The following UBA6 variants were observed in gnomAD, a reference collection of about 807,000 sequenced individuals.
UBA6 encodes the protein ubiquitin-like modifier-activating enzyme 6.
UBA6 carries 87 observed loss-of-function variants against 148.3 expected under a neutral mutation model. The ratio of observed to expected loss-of-function variants is 0.59; its 90% CI spans 0.49 to 0.70. UBA6 has a LOEUF of 0.70. Among genes scored for constraint, UBA6 ranks in the 30% least tolerant of loss-of-function variants. The pLI is 0.00. For missense variants in UBA6, 1,186 were observed against 1,241.2 expected (o/e 0.96, Z 0.67); for synonymous variants, 376 against 401.0 (o/e 0.94, Z 0.75).
Position 67,646,786 on chromosome 4 carries a change from A to T in UBA6, c.1254T>A (p.Tyr418Ter). 1 of 1,599,482 alleles carries T rather than the reference A, an allele frequency of 6.3e-7. No homozygotes were observed. The highest frequency in any genetic ancestry group is 1.1e-5 in the South Asian group (1 of 88,554). Residue 418 changes from tyrosine to a stop codon, truncating the protein, a stop_gained, in exon 15 of 33, where the codon TAT becomes TAA. Transcript: ENST00000322244. LOFTEE classifies it high-confidence loss of function. ...ATTCAACAATATCTGCTGCTTCAAG[A>T]TATAACTTAAAGTAGAAGATTAAAA... The part of the protein sequence containing the change: ...GKFSPLCQWL[Y>*]LEAADIVESL...
intron 3 of UBA6, 82 bp from the exon 4 acceptor site, chr4:67,681,673 T>C: frequency 1.1e-6 from 1 of 922,060 alleles, no homozygotes; most frequent in Non-Finnish European, 1.6e-6. Flanking sequence ...GTCACATATC[T>C]GACTGCATAC....
At position 67,631,709 on chromosome 4, in the gene UBA6, A is replaced by T. The variant is rs1477758538; in HGVS notation, c.2257T>A (p.Leu753Met). 1 of 1,603,244 alleles carries T rather than the reference A, an allele frequency of 6.2e-7. No individual in the cohort carries two copies. The highest frequency in any genetic ancestry group is 8.5e-7 in the Non-Finnish European group (1 of 1,173,790). ...SPIKFDLNEP[L>M]HLSFLQNAAK... ...ATAAAACTAAATATAAATACTTACA[A>T]AGGCTCATTTAAATCAAATTTTATT... Residue 753 changes from leucine to methionine, a missense_variant and splice_region_variant, in exon 25 of 33, where the codon TTG (leucine) becomes ATG (methionine). Leu to Met is a conservative substitution (Grantham distance 15, BLOSUM62 2). Coordinates refer to ENST00000322244, the MANE Select transcript of UBA6 (RefSeq NM_018227.6).
chr4:67,624,584 G>C (rs1560476765), intron 29 of UBA6, among the ~76,000 whole-genome samples: 1 of 151,934 alleles, frequency 6.6e-6, no homozygotes, highest in Non-Finnish European at 1.5e-5. Context: ...TAACTACATA[G>C]CTTCATAGAT....
At chr4:67,630,631 G>T in intron 25 of UBA6, 96 bp from the exon 26 acceptor site, 1 of 722,762 alleles carries the variant, frequency 1.4e-6, no homozygotes, top group Non-Finnish European at 2.1e-6. Flanking sequence ...GTAGTTTGAA[G>T]AAATATAACC....
At position 67,633,457 on chromosome 4, in the gene UBA6, T is replaced by A; in HGVS notation, c.2030A>T (p.His677Leu). 2 of 1,601,048 alleles carry A rather than the reference T, an allele frequency of 1.2e-6. No individual in the cohort carries two copies. Among genetic ancestry groups the A allele is most frequent in the Non-Finnish European group, 1.7e-6 (2 of 1,176,828 alleles). The change falls in exon 23 of 33, where the codon CAC becomes CTC. Residue 677 changes from histidine to leucine, a missense_variant. Coordinates refer to ENST00000322244, the MANE Select transcript of UBA6 (RefSeq NM_018227.6). ...EEVLQKIQSG[H>L]SLEGCFQVIK... ...AACTTGAAAACAGCCTTCTAAACTG[T>A]GTCCACTCTGTATCTTCTAGAATGG...
rs968546711 is a variant in UBA6 at position 67,663,904 on chromosome 4, A to G, written c.941T>C (p.Val314Ala). 1 of 1,613,628 alleles carries G rather than the reference A, an allele frequency of 6.2e-7. No homozygotes were observed. The highest frequency in any genetic ancestry group is 2.2e-5 in the East Asian group (1 of 44,804). Residue 314 changes from valine (V) to alanine (A), a missense_variant, in exon 11 of 33, where the codon GTG (valine) becomes GCG (alanine). Physicochemically the swap from Val to Ala is moderately conservative, Grantham distance 64 (BLOSUM62 0). Coordinates refer to ENST00000322244, the MANE Select transcript of UBA6 (RefSeq NM_018227.6). ...RQLKHPKCLI[V>A]DFSNPEAPLE... ...ATTTACCTCAGGGTTGCTAAAATCC[A>G]CAATAAGGCACTTTGGATGTTTTAA...
Position 67,682,149 on chromosome 4 carries a change from T to C in UBA6, c.199A>G (p.Ser67Gly). Residue 67 changes from serine (S) to glycine (G), a missense_variant, in exon 3 of 33, where the codon AGT (serine) becomes GGT (glycine). Transcript: ENST00000322244. ...QKMAKSHVFL[S>G]GMGGLGLEIA... ...TCCAAACCAAGACCACCCATCCCAC[T>C]TAAGAAAACATGGGACTTGGCCATC... 1 of 1,613,874 alleles carries C rather than the reference T, an allele frequency of 6.2e-7. No individual in the cohort carries two copies. Among genetic ancestry groups the C allele is most frequent in the Non-Finnish European group, 8.5e-7 (1 of 1,179,826 alleles).
At chr4:67,696,498 TAC>T (rs1730841314) in intron 2 of UBA6, 145 bp downstream of exon 2, 1 of 555,752 alleles carries the variant, frequency 1.8e-6, no homozygotes, top group East Asian at 2.9e-5. Flanking sequence ...CACATATATA[TAC>T]ACACATACAT....
At chr4:67,646,228 GT>G (rs1428123633) in intron 15 of UBA6, among the ~76,000 whole-genome samples, 1 of 152,098 alleles carries the variant, frequency 6.6e-6, no homozygotes, top group African/African-American at 2.4e-5. Context: ...AATGACTTAA[GT>G]GAAGGTGACT....
rs1007028169 is a variant in UBA6 at position 67,633,439 on chromosome 4, A to C, written c.2048T>G (p.Phe683Cys). Residue 683 changes from phenylalanine (F) to cysteine (C), a missense_variant, in exon 23 of 33, where the codon TTT becomes TGT. Physicochemically the swap from Phe to Cys is radical, Grantham distance 205. Coordinates refer to ENST00000322244, the MANE Select transcript of UBA6 (RefSeq NM_018227.6). ...TCTGCTAAGTAACTTTATAACTTGA[A>C]AACAGCCTTCTAAACTGTGTCCACT... ...IQSGHSLEGC[F>C]QVIKLLSRRP... 2.9e-5 allele frequency: 46 copies of C among 1,610,396 alleles called. 1 individual carries two copies. The East Asian group carries it at 1.0e-3, about 35-fold the overall frequency.
At chr4:67,646,858 T>C (rs1729432304) in intron 14 of UBA6, 67 bp from the exon 15 acceptor site, 2 of 928,118 alleles carry the variant, frequency 2.2e-6, no homozygotes, top group Admixed American at 5.8e-5. Context: ...AGAAGCTCCT[T>C]TATAGTTATT....
intron 9 of UBA6, 32 bp downstream of exon 9, chr4:67,668,519 T>C: frequency 6.3e-7 from 1 of 1,589,382 alleles, no homozygotes; most frequent in Non-Finnish European, 8.6e-7. Flanking sequence ...GCTGAATAAG[T>C]ATAAATGAAT....
In UBA6 at chr4:67,644,673, T is replaced by C. The variant is rs764151992; in HGVS notation, c.1476+25A>G. 7 of 1,349,702 alleles carry C rather than the reference T, an allele frequency of 5.2e-6. No individual in the cohort carries two copies. In the South Asian group the frequency reaches 7.0e-5, roughly 14 times the overall value. 83.6% of individuals were successfully genotyped at this position (1,349,702 alleles called of 1,614,324 possible). A position where few individuals can be genotyped will look rare whatever the true frequency, so the allele number is the denominator to read the frequency against. On this transcript the variant is annotated intron_variant, in intron 17 of 32. Coordinates refer to ENST00000322244, the MANE Select transcript of UBA6 (RefSeq NM_018227.6). ...GGGCAACAACAGAAATATAAACTTT[T>C]AACTCTCAAGAATTGATATCTTACC...
intron 6 of UBA6, among the ~76,000 whole-genome samples, chr4:67,674,757 T>C (rs1035643664): frequency 1.3e-5 from 2 of 152,218 alleles, no homozygotes; most frequent in Admixed American, 6.5e-5. Flanking sequence ...TCTTTGAATA[T>C]TGCTCTTTTC....
chr4:67,637,713 G>A (rs1729198080), intron 19 of UBA6, among the ~76,000 whole-genome samples: 2 of 152,210 alleles, frequency 1.3e-5, no homozygotes, highest in South Asian at 4.2e-4. Context: ...TGCAAGATGT[G>A]CTTTGTTAAA....
At chr4:67,647,095 A>G (rs1208448010) in intron 14 of UBA6, among the ~76,000 whole-genome samples, 2 of 152,174 alleles carry the variant, frequency 1.3e-5, no homozygotes, top group African/African-American at 4.8e-5. Context: ...TCTATTTTTC[A>G]TAACTACACA....
intron 4 of UBA6, among the ~76,000 whole-genome samples, chr4:67,680,514 T>C (rs948145959): frequency 6.6e-6 from 1 of 152,130 alleles, no homozygotes; most frequent in Non-Finnish European, 1.5e-5. Flanking sequence ...TAGATTAAAA[T>C]AAACCAAGTT....
At position 67,614,858 on chromosome 4, in the gene UBA6, A is replaced by G. The variant is rs191800434; in HGVS notation, c.*4139T>C. The G allele has an allele frequency of 9.8e-4, 99 of 100,514 alleles. No homozygotes were observed. Among genetic ancestry groups the G allele is most frequent in the African/African-American group, 3.5e-3 (95 of 26,978 alleles). 6.2% of individuals were successfully genotyped at this position (100,514 alleles called of 1,614,324 possible). On this transcript the variant is annotated 3_prime_UTR_variant, in exon 33 of 33. Coordinates refer to ENST00000322244, the MANE Select transcript of UBA6 (RefSeq NM_018227.6). ...AGATCCTTTATGAATCAATGAGGAA[A>G]AAGATTAGCAACACAACAAAAACGT...
chr4:67,629,400 T>G (rs571306018), intron 26 of UBA6, among the ~76,000 whole-genome samples: 1 of 152,042 alleles, frequency 6.6e-6, no homozygotes, highest in Middle Eastern at 3.4e-3. Context: ...TGCAAATTTT[T>G]TAAAAGGCAT....
Sources: allele counts gnomAD v4.1 joint callset (sites outside exome capture counted in the v4.1 genomes callset), GRCh38; gene constraint gnomAD v4.1.1; transcripts MANE v1.5; gene names NCBI Gene and HGNC (gene_info 2026-07-23, HGNC 2026-07-21).